SH3GL3: variants seen among roughly 807,000 people sequenced by gnomAD.
SH3GL3 encodes the protein SH3 domain containing GRB2 like 3, endophilin A3, also known as endophilin-A3.
A neutral mutation model predicts 47.7 loss-of-function variants in SH3GL3; 33 were observed. That is an observed-to-expected ratio of 0.69 (90% confidence interval 0.52 to 0.92). The LOEUF (loss-of-function observed/expected upper bound fraction) is 0.92. Ranked by LOEUF, SH3GL3 falls within the 40% of genes least tolerant of loss-of-function variation. The probability of loss-of-function intolerance (pLI) is 0.00; values close to 1 mark genes in which losing one functional copy is unlikely to be tolerated. For synonymous variants in SH3GL3, 155 were observed against 148.8 expected, an observed-to-expected ratio of 1.04 and a Z score of -0.30; for missense variants, 363 against 417.8, an observed-to-expected ratio of 0.87 and a Z score of 1.14.
chr15:83,482,970 A>AGAATCCAACCTGG (rs2041434140), intron 1 of SH3GL3, among the ~76,000 whole-genome samples: 1 of 152,210 alleles, frequency 6.6e-6, no homozygotes, highest in African/African-American at 2.4e-5. Context: ...AATGCCATCA[A>AGAATCCAACCTGG]GAATCCAACC....
intron 1 of SH3GL3, among the ~76,000 whole-genome samples, chr15:83,457,497 G>A (rs1008368826): frequency 7.2e-5 from 11 of 152,308 alleles, no homozygotes; most frequent in Admixed American, 3.9e-4. Context: ...GGGCCTGGAC[G>A]TATTCCCTGT....
At chr15:83,470,107 A>T (rs981443462) in intron 1 of SH3GL3, among the ~76,000 whole-genome samples, 1 of 152,196 alleles carries the variant, frequency 6.6e-6, no homozygotes, top group Non-Finnish European at 1.5e-5. Flanking sequence ...TTTATCTGAT[A>T]TTAATATAGC....
At chr15:83,586,873 G>A in intron 6 of SH3GL3, 110 bp from the exon 7 acceptor site, 1 of 553,244 alleles carries the variant, frequency 1.8e-6, no homozygotes, top group Non-Finnish European at 3.2e-6. Flanking sequence ...ATGGACCAAG[G>A]CAGACACTGG....
At chr15:83,573,982 T>A (rs780569476) in intron 5 of SH3GL3, among the ~76,000 whole-genome samples, 4 of 152,040 alleles carry the variant, frequency 2.6e-5, no homozygotes, top group Admixed American at 2.6e-4. Flanking sequence ...CCTGGATGGG[T>A]CAGGGAAGGC....
chr15:83,630,818 C>A, the SH3GL3 span, among the ~76,000 whole-genome samples: 4 of 152,110 alleles, frequency 2.6e-5, no homozygotes, highest in Non-Finnish European at 4.4e-5. Context: ...CATTCTGCCC[C>A]TGGCCCCCTC....
chr15:83,587,135 C>A, intron 7 of SH3GL3, 49 bp downstream of exon 7: 1 of 939,646 alleles, frequency 1.1e-6, no homozygotes. Context: ...GAGGTAACAT[C>A]TATTGAAATC....
intron 1 of SH3GL3, among the ~76,000 whole-genome samples, chr15:83,550,749 T>C (rs1388441185): frequency 6.6e-6 from 1 of 152,184 alleles, no homozygotes; most frequent in African/African-American, 2.4e-5. Context: ...CTTAATTTTG[T>C]TTTCCCTGTG....
downstream of SH3GL3, among the ~76,000 whole-genome samples, chr15:83,623,293 G>GT (rs1205194092): frequency 6.6e-6 from 1 of 152,186 alleles, no homozygotes; most frequent in Non-Finnish European, 1.5e-5. Flanking sequence ...TATTTACTCA[G>GT]CTCACAAGTC....
At chr15:83,609,356 G>T (rs1027787187) in intron 8 of SH3GL3, 1 of 455,456 alleles carries the variant, frequency 2.2e-6, no homozygotes, top group South Asian at 1.6e-5. Flanking sequence ...GTGACAGGTC[G>T]CAGCCAGACT....
intron 1 of SH3GL3, among the ~76,000 whole-genome samples, chr15:83,474,749 T>G (rs1006650948): frequency 6.6e-6 from 1 of 152,162 alleles, no homozygotes; most frequent in East Asian, 1.9e-4. Context: ...AACTGAGCGC[T>G]TGCCCATGTG....
At chr15:83,597,891 A>G (rs540090263) in intron 8 of SH3GL3, among the ~76,000 whole-genome samples, 3 of 152,326 alleles carry the variant, frequency 2.0e-5, no homozygotes, top group African/African-American at 7.2e-5. Flanking sequence ...TATAGGCGTG[A>G]GCCACCACGC....
chr15:83,584,917 T>C (rs2059919502), intron 6 of SH3GL3, among the ~76,000 whole-genome samples: 1 of 152,254 alleles, frequency 6.6e-6, no homozygotes, highest in Non-Finnish European at 1.5e-5. Flanking sequence ...TGGCTCTTGC[T>C]AAGCCTGAGT....
intron 3 of SH3GL3, 114 bp from the exon 4 acceptor site, chr15:83,568,415 C>CTCTG (rs1223887403): frequency 2.8e-6 from 2 of 718,602 alleles, no homozygotes; most frequent in Middle Eastern, 3.4e-4. Context: ...GGCCTCAGGT[C>CTCTG]TCTGGCATTT....
At chr15:83,627,933 T>C in the SH3GL3 span, among the ~76,000 whole-genome samples, 8 of 152,200 alleles carry the variant, frequency 5.3e-5, no homozygotes, top group Non-Finnish European at 1.2e-4. Flanking sequence ...TATAGTATGC[T>C]ACTTAGGATG....
intron 1 of SH3GL3, among the ~76,000 whole-genome samples, chr15:83,465,359 A>G (rs768233098): frequency 6.6e-6 from 1 of 151,676 alleles, no homozygotes; most frequent in Non-Finnish European, 1.5e-5. Flanking sequence ...TGTATCTCAG[A>G]CCATGTCATT....
chr15:83,500,517 A>T (rs1050260516), intron 1 of SH3GL3, among the ~76,000 whole-genome samples: 2 of 151,968 alleles, frequency 1.3e-5, no homozygotes, highest in African/African-American at 4.8e-5. Context: ...TCTCTCCACT[A>T]TTGGTCTTGG....
intron 1 of SH3GL3, among the ~76,000 whole-genome samples, chr15:83,511,170 C>T (rs545605133): frequency 9.2e-5 from 14 of 151,882 alleles, no homozygotes; most frequent in Admixed American, 3.3e-4. Flanking sequence ...GTTGGCCAAT[C>T]GGAAGAACGG....
At chr15:83,457,129 A>C (rs543490099) in intron 1 of SH3GL3, among the ~76,000 whole-genome samples, 1 of 152,192 alleles carries the variant, frequency 6.6e-6, no homozygotes, top group Non-Finnish European at 1.5e-5. Context: ...GGGCACACCT[A>C]TGTGTGTTCT....
intron 8 of SH3GL3, among the ~76,000 whole-genome samples, chr15:83,603,362 C>A (rs1031802592): frequency 1.3e-5 from 2 of 152,200 alleles, no homozygotes; most frequent in African/African-American, 4.8e-5. Context: ...TAAACACATT[C>A]AAAGTTCTTT....
Sources: allele counts gnomAD v4.1 joint callset (sites outside exome capture counted in the v4.1 genomes callset), GRCh38; gene constraint gnomAD v4.1.1; transcripts MANE v1.5; gene names NCBI Gene and HGNC (gene_info 2026-07-23, HGNC 2026-07-21).